DOCK2: variants seen among roughly 807,000 people sequenced by gnomAD.
The protein encoded by DOCK2 is dedicator of cytokinesis protein 2.
Under a neutral mutation model 248.9 loss-of-function variants are expected in DOCK2, and 87 were observed. The ratio of observed to expected loss-of-function variants is 0.35; its 90% CI spans 0.29 to 0.42. The LOEUF (loss-of-function observed/expected upper bound fraction) is 0.42. Ranked by LOEUF, DOCK2 falls within the 10% of genes least tolerant of loss-of-function variation. The pLI, the probability that DOCK2 is intolerant of heterozygous loss-of-function variation, is 1.00. For synonymous variants in DOCK2, 805 were observed against 821.6 expected (o/e 0.98, Z 0.35); for missense variants, 1,747 against 2,300.2 (o/e 0.76, Z 4.92).
At chr5:169,950,639 G>A (rs1411260849) in intron 27 of DOCK2, among the ~76,000 whole-genome samples, 2 of 152,196 alleles carry the variant, frequency 1.3e-5, no homozygotes, top group African/African-American at 4.8e-5. Context: ...GGCCTCAGGT[G>A]TACTCTTTTC....
At position 170,034,563 on chromosome 5, in the gene DOCK2, G is replaced by T; in HGVS notation, c.3624+8G>T. 1 of 1,613,864 alleles carries T rather than the reference G, an allele frequency of 6.2e-7. No homozygotes were observed. The highest frequency in any genetic ancestry group is 8.5e-7 in the Non-Finnish European group (1 of 1,179,870). On this transcript the variant is annotated splice_region_variant and intron_variant, in intron 35 of 51. Transcript: ENST00000520908. ...TGCACCGTGAACCTGCTGGTGCGTG[G>T]GGCTGGCGGGTCCAAGTCAGACCAG...
chr5:169,828,091 T>G (rs1008673196), intron 26 of DOCK2, among the ~76,000 whole-genome samples: 2 of 152,150 alleles, frequency 1.3e-5, no homozygotes, highest in Non-Finnish European at 2.9e-5. Context: ...GGGAGGGTTT[T>G]TACTGTATCC....
intron 38 of DOCK2, among the ~76,000 whole-genome samples, chr5:170,043,792 AG>A (rs1248235233): frequency 2.0e-5 from 3 of 152,216 alleles, no homozygotes; most frequent in African/African-American, 7.2e-5. Context: ...AGAGCCTAAA[AG>A]TACACGTTGA....
At chr5:169,678,079 G>GTTTTAAA (rs1759437561) in intron 6 of DOCK2, among the ~76,000 whole-genome samples, 2 of 152,134 alleles carry the variant, frequency 1.3e-5, no homozygotes, top group African/African-American at 2.4e-5. Context: ...TGCCTGGTTT[G>GTTTTAAA]TTTTAAATTA....
chr5:170,072,695 T>C lies in DOCK2; in HGVS notation c.4729-3252T>C, dbSNP rs570795572. 4.0e-4 allele frequency among the ~76,000 whole-genome samples: 61 copies of C among 152,350 alleles called. No homozygotes were observed. The South Asian group carries it at 0.012, about 31-fold the overall frequency. ...CCTGACACTTGATACTGGGAGTCTT[T>C]TTTAATTCTAGTCCTTCTGGTGGAT... On this transcript the variant is annotated intron_variant, in intron 46 of 51. Transcript: ENST00000520908.
intron 51 of DOCK2, 147 bp from the exon 52 acceptor site, chr5:170,082,649 C>T: frequency 9.5e-7 from 1 of 1,053,720 alleles, no homozygotes; most frequent in Non-Finnish European, 1.4e-6. Context: ...CCTTTCTGGC[C>T]AAAGCCAAGG....
At chr5:170,040,931 A>G (rs1756492623) in intron 36 of DOCK2, 124 bp from the exon 37 acceptor site, 2 of 720,240 alleles carry the variant, frequency 2.8e-6, no homozygotes, top group Non-Finnish European at 4.5e-6. Flanking sequence ...CTGGTTATCC[A>G]GGGAGGAGGA....
intron 27 of DOCK2, among the ~76,000 whole-genome samples, chr5:169,937,915 T>A (rs549741993): frequency 5.6e-4 from 85 of 152,334 alleles, no homozygotes; most frequent in African/African-American, 1.9e-3. Flanking sequence ...CTCCCTTCTT[T>A]GTCTTTCACA....
At chr5:169,840,734 A>G (rs1440494522) in intron 26 of DOCK2, 23 bp from the exon 27 acceptor site, 9 of 1,610,264 alleles carry the variant, frequency 5.6e-6, no homozygotes, top group Non-Finnish European at 7.6e-6. Flanking sequence ...GTTGTCACAT[A>G]GATGTCTCTG....
chr5:169,716,159 C>T (rs981655784), intron 19 of DOCK2, 54 bp from the exon 20 acceptor site: 1 of 1,501,226 alleles, frequency 6.7e-7, no homozygotes. Context: ...ATTGCTGGTT[C>T]ACCTGTACTT....
rs1761912324 is a variant in DOCK2 at position 169,716,305 on chromosome 5, AAG to A, written c.2031+10_2031+11del. 1 of 1,612,876 alleles carries A rather than the reference AAG, an allele frequency of 6.2e-7. No homozygotes were observed. The highest frequency in any genetic ancestry group is 1.3e-5 in the African/African-American group (1 of 74,882). The stretch of plus-strand genomic sequence containing the variant: ...ACATCCTCGTCTTTGATGCCTTGGT[AAG>A]AGAGAGGGGAAAAGTGTCTAGTGAC... On this transcript the variant is annotated splice_donor_5th_base_variant and intron_variant, in intron 20 of 51. Transcript: ENST00000520908.
In DOCK2 at chr5:170,047,925, G is replaced by A. The variant is rs79616825; in HGVS notation, c.4071+311G>A. On this transcript the variant is annotated intron_variant, in intron 40 of 51. Transcript: ENST00000520908. ...TGCTGGCAGAGATTTGCTTTCAGGA[G>A]TTACTGTAGAGCAGTCGTTCTCAGG... Among the ~76,000 whole-genome samples, 1,309 of 152,292 alleles carry A rather than the reference G, an allele frequency of 8.6e-3. 9 individuals are homozygous for A. Among genetic ancestry groups the A allele is most frequent in the African/African-American group, 0.03 (1,234 of 41,546 alleles).
intron 6 of DOCK2, among the ~76,000 whole-genome samples, chr5:169,679,169 A>G (rs1263937869): frequency 6.6e-6 from 1 of 152,118 alleles, no homozygotes; most frequent in East Asian, 1.9e-4. Flanking sequence ...CCTCCCGAGG[A>G]GCTGGAACTA....
chr5:169,878,648 T>C (rs972911605), intron 27 of DOCK2, among the ~76,000 whole-genome samples: 1 of 152,208 alleles, frequency 6.6e-6, no homozygotes, highest in East Asian at 1.9e-4. Flanking sequence ...TGAAATAAAT[T>C]TGAAAAGAGA....
chr5:170,038,615 T>C (rs1394706427), intron 36 of DOCK2, among the ~76,000 whole-genome samples: 2 of 152,150 alleles, frequency 1.3e-5, no homozygotes, highest in African/African-American at 2.4e-5. Flanking sequence ...TGGAGCACTG[T>C]CATCACGACA....
chr5:169,748,963 G>T (rs1426924645), intron 23 of DOCK2, among the ~76,000 whole-genome samples: 1 of 152,188 alleles, frequency 6.6e-6, no homozygotes, highest in African/African-American at 2.4e-5. Context: ...TGTGCCTAAG[G>T]CTACATGCCC....
intron 30 of DOCK2, among the ~76,000 whole-genome samples, chr5:169,999,835 G>T (rs1175070214): frequency 6.6e-6 from 1 of 152,144 alleles, no homozygotes; most frequent in Admixed American, 6.5e-5. Flanking sequence ...ACTGACTGCT[G>T]CCTGTCTTGG....
Position 169,650,294 on chromosome 5 carries a change from C to T in DOCK2, c.44-4109C>T, listed in dbSNP as rs969133809. 5.9e-5 allele frequency among the ~76,000 whole-genome samples: 9 copies of T among 151,984 alleles called. No individual in the cohort carries two copies. The South Asian group carries it at 8.3e-4, about 14-fold the overall frequency. On this transcript the variant is annotated intron_variant, in intron 1 of 51. Coordinates refer to ENST00000520908, the MANE Select transcript of DOCK2 (RefSeq NM_004946.3). ...ATTTAAAATGTGCTCTAAATATTTA[C>T]CATTTTCTTAGGAAACAGGGTGTGC...
At chr5:169,801,382 A>G (rs1227163541) in intron 25 of DOCK2, among the ~76,000 whole-genome samples, 1 of 152,042 alleles carries the variant, frequency 6.6e-6, no homozygotes, top group East Asian at 1.9e-4. Flanking sequence ...CTGTGTACAC[A>G]TGACAAGTCC....
Sources: allele counts gnomAD v4.1 joint callset (sites outside exome capture counted in the v4.1 genomes callset), GRCh38; gene constraint gnomAD v4.1.1; transcripts MANE v1.5; gene names NCBI Gene and HGNC (gene_info 2026-07-23, HGNC 2026-07-21).